DNAI4: variants seen among roughly 807,000 people sequenced by gnomAD.
The protein encoded by DNAI4 is WD repeat domain 78.
DNAI4 carries 85 observed loss-of-function variants against 105.8 expected under a neutral mutation model. The observed-to-expected ratio is 0.80, with a 90% CI of 0.67 to 0.96. The LOEUF (loss-of-function observed/expected upper bound fraction) is 0.96, where lower values mean the gene tolerates loss of function less well. Ranked by LOEUF, DNAI4 falls within the 40% of genes least tolerant of loss-of-function variation. The pLI is 0.00. For synonymous variants in DNAI4, 352 were observed against 331.5 expected, an observed-to-expected ratio of 1.06 and a Z score of -0.67; for missense variants, 1,014 against 1,005.6, an observed-to-expected ratio of 1.01 and a Z score of -0.11.
At chr1:66,903,073 GA>G (rs1302897159) in intron 2 of DNAI4, among the ~76,000 whole-genome samples, 1 of 152,094 alleles carries the variant, frequency 6.6e-6, no homozygotes, top group Non-Finnish European at 1.5e-5. Flanking sequence ...TTCTACTTCT[GA>G]AAAAATATCA....
chr1:66,906,257 C>A (rs2100836287), intron 1 of DNAI4, among the ~76,000 whole-genome samples: 1 of 152,114 alleles, frequency 6.6e-6, no homozygotes, highest in South Asian at 2.1e-4. Flanking sequence ...ATATTTATAT[C>A]CATGAAAAAA....
chr1:66,900,132 C>T (rs747777467), intron 2 of DNAI4, among the ~76,000 whole-genome samples: 1 of 151,972 alleles, frequency 6.6e-6, no homozygotes, highest in Admixed American at 6.6e-5. Context: ...TGCAATGGTG[C>T]GATCTTGGCT....
chr1:66,822,876 A>G (rs906667122), intron 15 of DNAI4, among the ~76,000 whole-genome samples: 2 of 141,060 alleles, frequency 1.4e-5, no homozygotes, highest in African/African-American at 2.5e-5. Flanking sequence ...AATAACATTT[A>G]ATTCACTAGA....
chr1:66,903,043 A>G (rs1648952277), intron 2 of DNAI4, among the ~76,000 whole-genome samples: 1 of 152,200 alleles, frequency 6.6e-6, no homozygotes, highest in Non-Finnish European at 1.5e-5. Flanking sequence ...GATATTTCAT[A>G]TACATTTTAG....
chr1:66,854,968 C>T (rs1373212344), intron 7 of DNAI4, among the ~76,000 whole-genome samples: 2 of 152,130 alleles, frequency 1.3e-5, no homozygotes, highest in Non-Finnish European at 1.5e-5. Flanking sequence ...TAGGGCCTTG[C>T]TAACCCTGGA....
At chr1:66,887,688 T>G (rs1416527909) in intron 4 of DNAI4, among the ~76,000 whole-genome samples, 1 of 152,120 alleles carries the variant, frequency 6.6e-6, no homozygotes, top group Non-Finnish European at 1.5e-5. Context: ...ATTTTACTAC[T>G]ACCGTCCAGA....
intron 1 of DNAI4, among the ~76,000 whole-genome samples, chr1:66,923,024 G>A (rs1650627330): frequency 6.6e-6 from 1 of 152,142 alleles, no homozygotes; most frequent in Admixed American, 6.5e-5. Flanking sequence ...ATACAATGGT[G>A]ATCTGGTAGC....
At chr1:66,826,096 T>C (rs1383913391) in intron 15 of DNAI4, among the ~76,000 whole-genome samples, 1 of 152,220 alleles carries the variant, frequency 6.6e-6, no homozygotes, top group Non-Finnish European at 1.5e-5. Context: ...CTGAATATTT[T>C]TGAAACAAGG....
At chr1:66,907,693 A>T (rs1649365628) in intron 1 of DNAI4, among the ~76,000 whole-genome samples, 1 of 152,192 alleles carries the variant, frequency 6.6e-6, no homozygotes, top group South Asian at 2.1e-4. Context: ...TTCTGGCATA[A>T]TTCTTGAGCA....
intron 5 of DNAI4, 43 bp from the exon 6 acceptor site, chr1:66,871,552 C>T: frequency 6.7e-7 from 1 of 1,496,818 alleles, no homozygotes; most frequent in Non-Finnish European, 9.0e-7. Context: ...TAAGAATCAT[C>T]ACCACACGTA....
At chr1:66,891,069 C>T (rs1242775087) in intron 4 of DNAI4, 85 bp downstream of exon 4, 1 of 1,058,436 alleles carries the variant, frequency 9.4e-7, no homozygotes, top group African/African-American at 1.6e-5. Flanking sequence ...TACCATATTT[C>T]TTTTATCTCA....
intron 1 of DNAI4, among the ~76,000 whole-genome samples, chr1:66,911,434 C>T (rs189639085): frequency 7.2e-4 from 109 of 152,220 alleles, no homozygotes; most frequent in African/African-American, 2.5e-3. Context: ...TGGTGATCAA[C>T]TTAACATTCA....
Position 66,847,621 on chromosome 1 carries a change from T to C in DNAI4, c.1154A>G (p.Glu385Gly). The C allele has an allele frequency of 6.2e-7, 1 of 1,613,660 alleles. No individual in the cohort carries two copies. The highest frequency in any genetic ancestry group is 8.5e-7 in the Non-Finnish European group (1 of 1,179,880). Residue 385 changes from glutamate to glycine, a missense_variant, in exon 8 of 17, where the codon GAA (glutamate) becomes GGA (glycine). Coordinates refer to ENST00000371026, the MANE Select transcript of DNAI4 (RefSeq NM_024763.5). ...IENVILAKIH[E>G]DEEDHSDAIL... is the part of the protein sequence containing the mutation. The stretch of plus-strand genomic sequence containing the variant: ...TGCATCTGAGTGGTCTTCCTCATCT[T>C]CATGGATTTTTGCCAGAATTACATT...
At chr1:66,827,654 C>T (rs1645783416) in intron 14 of DNAI4, among the ~76,000 whole-genome samples, 158 bp downstream of exon 14, 1 of 152,134 alleles carries the variant, frequency 6.6e-6, no homozygotes, top group Non-Finnish European at 1.5e-5. Context: ...ATGCCCCGTA[C>T]ATTATTGGTG....
At chr1:66,886,102 T>C (rs983952905) in intron 4 of DNAI4, among the ~76,000 whole-genome samples, 1 of 152,224 alleles carries the variant, frequency 6.6e-6, no homozygotes, top group Non-Finnish European at 1.5e-5. Context: ...AACTGATACT[T>C]TCCTTAACCC....
intron 2 of DNAI4, among the ~76,000 whole-genome samples, chr1:66,899,499 G>A (rs368770502): frequency 1.3e-5 from 2 of 152,210 alleles, no homozygotes; most frequent in South Asian, 4.1e-4. Context: ...TCAGATATAT[G>A]TTTCACAAAT....
intron 5 of DNAI4, among the ~76,000 whole-genome samples, chr1:66,874,231 TAAC>T (rs1466375760): frequency 6.6e-6 from 1 of 152,108 alleles, no homozygotes; most frequent in Non-Finnish European, 1.5e-5. Context: ...TGTATCTGCC[TAAC>T]AACAGACTGT....
chr1:66,921,178 A>G (rs1464264430), intron 1 of DNAI4: 1 of 152,242 alleles, frequency 6.6e-6, no homozygotes, highest in Non-Finnish European at 1.5e-5. Context: ...AGAGATAAAA[A>G]CATTAAATAA....
rs144250256 is a variant in DNAI4 at position 66,862,753 on chromosome 1, AC to A, written c.941-452del. ...TTAAGGATAACTCCAAATTATCTTCACAATATTTTCTGACCATCACACCTCC... is the reference window on the plus strand; with the variant it reads ...TTAAGGATAACTCCAAATTATCTTCAAATATTTTCTGACCATCACACCTCC... On this transcript the variant is annotated intron_variant, in intron 6 of 16. Coordinates refer to ENST00000371026, the MANE Select transcript of DNAI4 (RefSeq NM_024763.5). Among the ~76,000 whole-genome samples the A allele has an allele frequency of 1.8e-4, 28 of 152,314 alleles. No individual in the cohort carries two copies. In the East Asian group the frequency reaches 5.4e-3, roughly 29 times the overall value.
Sources: allele counts gnomAD v4.1 joint callset (sites outside exome capture counted in the v4.1 genomes callset), GRCh38; gene constraint gnomAD v4.1.1; transcripts MANE v1.5; gene names NCBI Gene and HGNC (gene_info 2026-07-23, HGNC 2026-07-21).